The following TMEM135 variants were observed in gnomAD, a reference collection of about 807,000 sequenced individuals.
The protein encoded by TMEM135 is transmembrane protein 135.
TMEM135 carries 30 observed loss-of-function variants against 60.3 expected under a neutral mutation model. The observed-to-expected ratio is 0.50, with a 90% confidence interval of 0.37 to 0.68. TMEM135 has a LOEUF of 0.68. TMEM135 is among the 30% of genes least tolerant of loss of function. The pLI is 0.00. For missense variants in TMEM135, 468 were observed against 548.8 expected, an observed-to-expected ratio of 0.85 and a Z score of 1.47; for synonymous variants, 190 against 186.7, an observed-to-expected ratio of 1.02 and a Z score of -0.14.
At chr11:87,159,427 G>A (rs494698) in intron 5 of TMEM135, among the ~76,000 whole-genome samples, 55,875 of 151,834 alleles carry the variant, frequency 0.37, 10,808 homozygotes, top group East Asian at 0.67. Flanking sequence ...GTATGTCAGG[G>A]TTGATAAAAT....
chr11:87,217,936 G>C (rs1321165669), intron 5 of TMEM135, among the ~76,000 whole-genome samples: 1 of 152,178 alleles, frequency 6.6e-6, no homozygotes, highest in Non-Finnish European at 1.5e-5. Flanking sequence ...GGATGGATTA[G>C]ATAGTTCTCA....
At chr11:87,194,583 A>G (rs1939889696) in intron 5 of TMEM135, among the ~76,000 whole-genome samples, 1 of 152,082 alleles carries the variant, frequency 6.6e-6, no homozygotes, top group African/African-American at 2.4e-5. Flanking sequence ...ACAGTGGAAA[A>G]CTTGGTTATC....
chr11:87,233,890 T>G (rs1940940198), intron 5 of TMEM135, among the ~76,000 whole-genome samples: 1 of 152,084 alleles, frequency 6.6e-6, no homozygotes, highest in Non-Finnish European at 1.5e-5. Flanking sequence ...AATTCTGTAA[T>G]TTCAAACACA....
At chr11:87,236,368 A>C (rs184809273) in intron 5 of TMEM135, among the ~76,000 whole-genome samples, 163 of 152,124 alleles carry the variant, frequency 1.1e-3, no homozygotes, top group Non-Finnish European at 1.6e-3. Flanking sequence ...AACTAAAAAA[A>C]AATTGCAAAA....
At chr11:87,204,829 A>G (rs534419628) in intron 5 of TMEM135, among the ~76,000 whole-genome samples, 13 of 152,248 alleles carry the variant, frequency 8.5e-5, no homozygotes, top group Middle Eastern at 3.4e-3. Flanking sequence ...ATACAAATGG[A>G]TCTGCACAGT....
intron 6 of TMEM135, among the ~76,000 whole-genome samples, chr11:87,285,298 A>G (rs1942143265): frequency 6.6e-6 from 1 of 152,222 alleles, no homozygotes; most frequent in South Asian, 2.1e-4. Flanking sequence ...GAAAAATTTA[A>G]TTAAAACTAT....
intron 7 of TMEM135, among the ~76,000 whole-genome samples, chr11:87,296,999 A>G (rs1242051839): frequency 6.6e-6 from 1 of 152,180 alleles, no homozygotes; most frequent in Non-Finnish European, 1.5e-5. Flanking sequence ...TAAGGTCAGC[A>G]GTAGGGAGCT....
intron 5 of TMEM135, among the ~76,000 whole-genome samples, chr11:87,183,965 A>C (rs991331873): frequency 1.3e-5 from 2 of 151,772 alleles, no homozygotes; most frequent in Non-Finnish European, 2.9e-5. Context: ...CAAAAAAAAA[A>C]AAAAAAAAAA....
At chr11:87,183,101 A>AT (rs1939558609) in intron 5 of TMEM135, among the ~76,000 whole-genome samples, 1 of 142,604 alleles carries the variant, frequency 7.0e-6, no homozygotes, top group Non-Finnish European at 1.5e-5. Context: ...TAAATTACTG[A>AT]TTTTTTAAAA....
At chr11:87,046,182 G>C (rs1949794272) in intron 1 of TMEM135, among the ~76,000 whole-genome samples, 1 of 152,170 alleles carries the variant, frequency 6.6e-6, no homozygotes. Context: ...GAGGCGGGAG[G>C]ATCACTTGAG....
intron 4 of TMEM135, among the ~76,000 whole-genome samples, chr11:87,107,574 T>A (rs942028892): frequency 2.2e-4 from 34 of 152,136 alleles, no homozygotes; most frequent in Admixed American, 2.2e-3. Flanking sequence ...TTCATCCATG[T>A]CCCTACAAAG....
intron 4 of TMEM135, among the ~76,000 whole-genome samples, chr11:87,102,714 GTATATATATATATGTATATATATA>G (rs1178970910): frequency 1.0e-5 from 1 of 97,884 alleles, no homozygotes; most frequent in East Asian, 3.6e-4. Context: ...GTATATATAT[GTATATATATATATGTATATATATA>G]TGTATATATG....
chr11:87,080,168 G>GTTTTTT (rs35717116), intron 3 of TMEM135, among the ~76,000 whole-genome samples: 2 of 128,352 alleles, frequency 1.6e-5, no homozygotes, highest in South Asian at 2.5e-4. Context: ...TGTTTGCAGT[G>GTTTTTT]TTTTTTTTTT....
chr11:87,148,003 G>A (rs956450773), intron 4 of TMEM135, among the ~76,000 whole-genome samples: 3 of 152,072 alleles, frequency 2.0e-5, no homozygotes, highest in Non-Finnish European at 4.4e-5. Flanking sequence ...AGATCTGCCC[G>A]CTTCAGTCTC....
At chr11:87,166,390 C>G (rs984987354) in intron 5 of TMEM135, among the ~76,000 whole-genome samples, 1 of 151,612 alleles carries the variant, frequency 6.6e-6, no homozygotes, top group Non-Finnish European at 1.5e-5. Context: ...ATGGCTATGT[C>G]CTGAATGGTA....
Position 87,167,862 on chromosome 11 carries a change from C to T in TMEM135, c.462+10456C>T, listed in dbSNP as rs547972057. 9.2e-5 allele frequency among the ~76,000 whole-genome samples: 14 copies of T among 152,084 alleles called. No homozygotes were observed. The South Asian group carries it at 1.9e-3, about 20-fold the overall frequency. On this transcript the variant is annotated intron_variant, in intron 5 of 14. Coordinates refer to ENST00000305494, the MANE Select transcript of TMEM135 (RefSeq NM_022918.4). ...GAGGAGTACCTCTTTTTGTATTCAT[C>T]AGAATAGTTTCAGAAGGAATAGTAC...
rs956549469 is a variant in TMEM135, at chr11:87,091,268, A to G, written c.363-94A>G. ...ATACCAGTACGTTTCTCAATTTCTG[A>G]GAATATAATTCTTTTTATAGACTTC... On this transcript the variant is annotated intron_variant, in intron 3 of 14. Transcript: ENST00000305494. 1.1e-4 allele frequency: 123 copies of G among 1,146,740 alleles called. 3 individuals carry two copies. In the Admixed American group the frequency reaches 2.4e-3, roughly 22 times the overall value. The allele number at this position is 1,146,740 out of a possible 1,614,324, so 71.0% of individuals were successfully genotyped here.
intron 6 of TMEM135, among the ~76,000 whole-genome samples, chr11:87,253,829 A>ATTT: frequency 6.6e-6 from 1 of 151,934 alleles, no homozygotes; most frequent in South Asian, 2.1e-4. Flanking sequence ...TCGTTGTCTC[A>ATTT]TGAAAAAGTA....
intron 3 of TMEM135, among the ~76,000 whole-genome samples, chr11:87,082,553 T>G (rs1857013314): frequency 6.6e-6 from 1 of 152,116 alleles, no homozygotes; most frequent in Non-Finnish European, 1.5e-5. Flanking sequence ...CAGCTGGAAA[T>G]GTGAGTCTAG....
Sources: allele counts gnomAD v4.1 joint callset (sites outside exome capture counted in the v4.1 genomes callset), GRCh38; gene constraint gnomAD v4.1.1; transcripts MANE v1.5; gene names NCBI Gene and HGNC (gene_info 2026-07-23, HGNC 2026-07-21).